Variants in PIP5K1B observed in about 807,000 individuals in gnomAD.
PIP5K1B encodes phosphatidylinositol-4-phosphate 5-kinase type 1 beta, also known as phosphatidylinositol 4-phosphate 5-kinase type-1 beta.
A neutral mutation model predicts 67.0 loss-of-function variants in PIP5K1B; 42 were observed. The ratio of observed to expected loss-of-function variants is 0.63; its 90% CI spans 0.49 to 0.81. The LOEUF (loss-of-function observed/expected upper bound fraction) is 0.81, where lower values mean the gene tolerates loss of function less well. Among genes scored for constraint, PIP5K1B ranks in the 30% least tolerant of loss-of-function variants. PIP5K1B has a pLI of 0.00. For synonymous variants in PIP5K1B, 214 were observed against 231.4 expected, an observed-to-expected ratio of 0.92 and a Z score of 0.68; for missense variants, 459 against 646.3, an observed-to-expected ratio of 0.71 and a Z score of 3.14.
intron 14 of PIP5K1B, among the ~76,000 whole-genome samples, chr9:68,968,715 A>ATTTTTTT (rs1554749541): frequency 1.4e-5 from 2 of 142,212 alleles, no homozygotes; most frequent in African/African-American, 5.2e-5. Context: ...ATATATATAT[A>ATTTTTTT]TTTTTTTTTT....
At chr9:68,921,855 A>G (rs1304927583) in intron 11 of PIP5K1B, among the ~76,000 whole-genome samples, 1 of 152,158 alleles carries the variant, frequency 6.6e-6, no homozygotes, top group Non-Finnish European at 1.5e-5. Flanking sequence ...CATGTCATAA[A>G]TAAATAATAA....
intron 2 of PIP5K1B, among the ~76,000 whole-genome samples, chr9:68,793,952 G>A (rs969002265): frequency 4.6e-5 from 7 of 152,198 alleles, no homozygotes; most frequent in African/African-American, 7.2e-5. Context: ...CCAAGCTAGA[G>A]CAATCAGAGA....
rs192416670 is a variant in PIP5K1B, at chr9:68,775,713, G to C, written c.-86+33056G>C. ...CGTTGGCCACAGGTTAACCAAAACT[G>C]TGGGTAGGAGGGGACTACTTATTTT... On this transcript the variant is annotated intron_variant, in intron 2 of 15. Transcript: ENST00000265382. Among the ~76,000 whole-genome samples the C allele has an allele frequency of 1.8e-4, 27 of 152,330 alleles. 1 individual carries two copies. The highest frequency in any genetic ancestry group is 1.6e-3 in the Admixed American group (24 of 15,304).
rs143969754 is a variant in PIP5K1B, at chr9:68,783,304, C to T, written c.-85-35157C>T. 1,254 of 166,938 alleles carry T rather than the reference C, an allele frequency of 7.5e-3. 9 individuals carry two copies. The highest frequency in any genetic ancestry group is 0.011 in the Non-Finnish European group (745 of 68,110). 10.3% of individuals were successfully genotyped at this position (166,938 alleles called of 1,614,324 possible). A position where few individuals can be genotyped will look rare whatever the true frequency, so the allele number is the denominator to read the frequency against. ...TCCTTCTTATTCTGCAAACATTAGA[C>T]CACTTGATATTCTTTAAATATGTCA... On this transcript the variant is annotated intron_variant, in intron 2 of 15. Transcript: ENST00000265382.
At chr9:68,978,407 T>C (rs1829731754) in intron 14 of PIP5K1B, among the ~76,000 whole-genome samples, 1 of 152,262 alleles carries the variant, frequency 6.6e-6, no homozygotes, top group Admixed American at 6.5e-5. Context: ...TTTAGCATAA[T>C]GTCCTCCAGG....
At chr9:68,854,083 A>T (rs964866071) in intron 4 of PIP5K1B, among the ~76,000 whole-genome samples, 2 of 150,250 alleles carry the variant, frequency 1.3e-5, no homozygotes, top group African/African-American at 4.9e-5. Flanking sequence ...AGATGTCTAG[A>T]TGAGACCATT....
At chr9:68,881,135 C>G (rs1010659774) in intron 6 of PIP5K1B, among the ~76,000 whole-genome samples, 3 of 152,162 alleles carry the variant, frequency 2.0e-5, no homozygotes, top group African/African-American at 7.2e-5. Context: ...CAGTGGTCTC[C>G]CCATCCTTCC....
At chr9:68,879,817 A>G (rs1351711056) in intron 6 of PIP5K1B, among the ~76,000 whole-genome samples, 1 of 152,162 alleles carries the variant, frequency 6.6e-6, no homozygotes, top group Non-Finnish European at 1.5e-5. Flanking sequence ...ACTATTATAT[A>G]TCATTTTTTT....
intron 13 of PIP5K1B, among the ~76,000 whole-genome samples, chr9:68,935,559 G>A (rs771789551): frequency 3.9e-5 from 6 of 152,126 alleles, no homozygotes; most frequent in Admixed American, 6.5e-5. Context: ...TATGGTTTAC[G>A]ATAAAAATTA....
At chr9:68,801,092 A>T (rs1412079076) in intron 2 of PIP5K1B, among the ~76,000 whole-genome samples, 2 of 152,102 alleles carry the variant, frequency 1.3e-5, no homozygotes, top group African/African-American at 4.8e-5. Context: ...ATTTTAACCC[A>T]TTGCTCTGTT....
rs1028746012 is a variant in PIP5K1B at position 68,745,145 on chromosome 9, C to T, written c.-86+2488C>T. On this transcript the variant is annotated intron_variant, in intron 2 of 15. Transcript: ENST00000265382. The stretch of plus-strand genomic sequence containing the variant: ...TCCCAAACAAGGTCACAGTGCCTTC[C>T]ACATCGTAAGAGCCTCATGCTCTCC... Among the ~76,000 whole-genome samples, 5 of 152,184 alleles carry T rather than the reference C, an allele frequency of 3.3e-5. 1 individual carries two copies. The highest frequency in any genetic ancestry group is 5.9e-5 in the Non-Finnish European group (4 of 68,038).
intron 8 of PIP5K1B, among the ~76,000 whole-genome samples, chr9:68,895,265 T>TAAAA (rs11342436): frequency 1.7e-5 from 2 of 121,108 alleles, no homozygotes; most frequent in Non-Finnish European, 3.4e-5. Flanking sequence ...TGCAATGCTT[T>TAAAA]AAAAAAAAAA....
At chr9:68,917,852 C>G in intron 9 of PIP5K1B, 93 bp downstream of exon 9, 1 of 888,066 alleles carries the variant, frequency 1.1e-6, no homozygotes, top group Non-Finnish European at 1.8e-6. Flanking sequence ...TAGGGTGGGA[C>G]TCTAGGAATT....
intron 6 of PIP5K1B, among the ~76,000 whole-genome samples, chr9:68,883,793 A>G (rs1442358085): frequency 1.3e-5 from 2 of 149,070 alleles, no homozygotes; most frequent in South Asian, 2.1e-4. Flanking sequence ...AAACAGACAC[A>G]TTGACCAAAT....
Position 68,810,883 on chromosome 9 carries a change from G to A in PIP5K1B, c.-85-7578G>A, listed in dbSNP as rs11143798. Reference sequence around the variant, plus strand: ...ATTGCACTTACAAATTGAAAAATGCGGTGCAATATTGATTAGACAATCTTC... The same window carrying A: ...ATTGCACTTACAAATTGAAAAATGCAGTGCAATATTGATTAGACAATCTTC... On this transcript the variant is annotated intron_variant, in intron 2 of 15. Transcript: ENST00000265382. Among the ~76,000 whole-genome samples the A allele has an allele frequency of 2.3e-3, 353 of 152,196 alleles. 3 individuals are homozygous for A. Among genetic ancestry groups the A allele is most frequent in the African/African-American group, 8.2e-3 (341 of 41,530 alleles).
chr9:68,975,273 TC>T (rs1829582900), intron 14 of PIP5K1B, among the ~76,000 whole-genome samples: 1 of 149,158 alleles, frequency 6.7e-6, no homozygotes, highest in Non-Finnish European at 1.5e-5. Flanking sequence ...TTCGCCATTT[TC>T]CCCAGGCTGG....
Position 68,920,793 on chromosome 9 carries a change from T to TACACAC in PIP5K1B, c.1116+1068_1116+1073dup, listed in dbSNP as rs879535374. ...TCTCTGTCTCTCTCTCTCACACACATACACACACATACACACACACACACA... is the reference window on the plus strand; with the variant it reads ...TCTCTGTCTCTCTCTCTCACACACATACACACACACACACATACACACACACACACA... On this transcript the variant is annotated intron_variant, in intron 11 of 15. Transcript: ENST00000265382. 7.5e-3 allele frequency among the ~76,000 whole-genome samples: 997 copies of TACACAC among 133,466 alleles called. 20 individuals are homozygous for TACACAC. Among genetic ancestry groups the TACACAC allele is most frequent in the African/African-American group, 0.026 (897 of 34,166 alleles). 87.6% of individuals were successfully genotyped at this position (133,466 alleles called of 152,430 possible). A position where few individuals can be genotyped will look rare whatever the true frequency, so the allele number is the denominator to read the frequency against.
chr9:68,798,928 G>T (rs1389124859), intron 2 of PIP5K1B, among the ~76,000 whole-genome samples: 1 of 152,168 alleles, frequency 6.6e-6, no homozygotes, highest in East Asian at 1.9e-4. Context: ...TTGGGAGAGG[G>T]CATACTAAGG....
intron 14 of PIP5K1B, among the ~76,000 whole-genome samples, chr9:68,942,225 G>T (rs894813128): frequency 6.6e-6 from 1 of 152,082 alleles, no homozygotes; most frequent in African/African-American, 2.4e-5. Context: ...TGAACACATG[G>T]GTCTATATAA....
Sources: gnomAD v4.1 joint callset for allele counts (sites outside exome capture counted in the v4.1 genomes callset) on GRCh38, gnomAD v4.1.1 for gene constraint, MANE v1.5 for transcripts, NCBI Gene and HGNC (gene_info 2026-07-23, HGNC 2026-07-21) for gene names.